Variants in LEO1 observed in about 807,000 individuals in gnomAD.
LEO1 encodes the protein RNA polymerase-associated protein LEO1.
Under a neutral mutation model 80.4 loss-of-function variants are expected in LEO1, and 34 were observed. That is an observed-to-expected ratio of 0.42 (90% confidence interval 0.32 to 0.56). LEO1 has a LOEUF of 0.56. Ranked by LOEUF, LEO1 falls within the 20% of genes least tolerant of loss-of-function variation. The pLI is 0.10. For missense variants in LEO1, 631 were observed against 814.2 expected, an observed-to-expected ratio of 0.77 and a Z score of 2.74; for synonymous variants, 262 against 274.9, an observed-to-expected ratio of 0.95 and a Z score of 0.46.
intron 11 of LEO1, among the ~76,000 whole-genome samples, chr15:51,939,360 C>T (rs963658400): frequency 3.3e-5 from 5 of 152,108 alleles, no homozygotes; most frequent in African/African-American, 1.2e-4. Context: ...GGCCCTCTGA[C>T]AGACAAGATA....
Position 51,938,228 on chromosome 15 carries a change from T to A in LEO1, c.1929A>T (p.Glu643Asp), listed in dbSNP as rs898196359. 14 of 1,608,494 alleles carry A rather than the reference T, an allele frequency of 8.7e-6. No homozygotes were observed. The highest frequency in any genetic ancestry group is 1.7e-5 in the Admixed American group (1 of 59,840). ...GCTTTTTATTTGCTTTATCATCATC[T>A]TCTGCTTTTCTCTTTCCGGAAGGTT... ...EGEPSGKRKA[E>D]DDDKANKKHK... is the part of the protein sequence containing the mutation. Residue 643 changes from glutamate (E) to aspartate (D), a missense_variant, in exon 12 of 12, where the codon GAA (glutamate) becomes GAT (aspartate). Around this residue, in one of 4 missense-constraint regions of LEO1, gnomAD observed 117 missense variants for 163.5 expected, o/e 0.72. Coordinates refer to ENST00000299601, the MANE Select transcript of LEO1 (RefSeq NM_138792.4).
At chr15:51,945,990 C>T (rs978593548) in intron 11 of LEO1, among the ~76,000 whole-genome samples, 11 of 151,254 alleles carry the variant, frequency 7.3e-5, no homozygotes, top group Admixed American at 2.6e-4. Context: ...ACCGAGATCA[C>T]GCCACTGCAC....
intron 4 of LEO1, 113 bp downstream of exon 4, chr15:51,960,521 CATGGT>C: frequency 3.1e-6 from 2 of 651,866 alleles, no homozygotes; most frequent in Non-Finnish European, 5.5e-6. Flanking sequence ...GTCATCTGTT[CATGGT>C]ATTTTCATAC....
intron 11 of LEO1, among the ~76,000 whole-genome samples, chr15:51,942,837 G>A (rs888601982): frequency 5.3e-5 from 8 of 150,404 alleles, no homozygotes; most frequent in Non-Finnish European, 1.0e-4. Context: ...CAGGAGAATT[G>A]CTTGAACCCA....
rs1337437030 is a variant in LEO1, at chr15:51,966,007, G to T, written c.556C>A (p.Gln186Lys). ...LQNSDDDEKM[Q>K]NTDDEERPQL... ...GGCCTCTCCTCATCATCTGTGTTCTGCATTTTCTCATCATCGTCAGAATTC... is the reference window on the plus strand; with the variant it reads ...GGCCTCTCCTCATCATCTGTGTTCTTCATTTTCTCATCATCGTCAGAATTC... Residue 186 changes from glutamine (Q) to lysine (K), a missense_variant, in exon 2 of 12, where the codon CAG becomes AAG. By Grantham distance (53) the Gln-to-Lys change is moderately conservative (BLOSUM62 1). This residue lies in a region of LEO1 where 394 missense variants were observed against 395.6 expected (regional missense o/e 1.00). Coordinates refer to ENST00000299601, the MANE Select transcript of LEO1 (RefSeq NM_138792.4). The T allele has an allele frequency of 1.2e-6, 2 of 1,613,850 alleles. No individual in the cohort carries two copies. The highest frequency in any genetic ancestry group is 1.7e-6 in the Non-Finnish European group (2 of 1,179,972).
chr15:51,950,158 G>A (rs961614984), intron 9 of LEO1, among the ~76,000 whole-genome samples, 164 bp from the exon 10 acceptor site: 2 of 152,180 alleles, frequency 1.3e-5, no homozygotes, highest in African/African-American at 4.8e-5. Context: ...CCTCTGGTTT[G>A]GTTTGCAGGA....
intron 1 of LEO1, among the ~76,000 whole-genome samples, chr15:51,970,822 CTCACT>C (rs1475752305): frequency 6.6e-6 from 1 of 152,136 alleles, no homozygotes; most frequent in Non-Finnish European, 1.5e-5. Context: ...GTCTTGGGTT[CTCACT>C]TCAAATAGCT....
intron 1 of LEO1, among the ~76,000 whole-genome samples, chr15:51,970,236 C>T (rs2057112087): frequency 6.6e-6 from 1 of 152,120 alleles, no homozygotes; most frequent in Non-Finnish European, 1.5e-5. Context: ...AGCTCACTGC[C>T]AACCTCTGTC....
chr15:51,945,262 CAAAAAA>C (rs71130110), intron 11 of LEO1, among the ~76,000 whole-genome samples: 2 of 80,370 alleles, frequency 2.5e-5, no homozygotes, highest in Admixed American at 3.3e-4. Flanking sequence ...ACAAAAAATA[CAAAAAA>C]AAAAAAAAAA....
intron 6 of LEO1, chr15:51,954,781 G>A (rs2056975693): frequency 1.9e-6 from 1 of 535,066 alleles, no homozygotes; most frequent in African/African-American, 1.9e-5. Flanking sequence ...ATGCTTAAGT[G>A]AATTTCTGAG....
At chr15:51,943,707 A>AAAAG (rs983904750) in intron 11 of LEO1, among the ~76,000 whole-genome samples, 2 of 151,834 alleles carry the variant, frequency 1.3e-5, no homozygotes, top group African/African-American at 4.8e-5. Context: ...CTCAAAAAAA[A>AAAAG]AAAGAAAGAA....
At chr15:51,958,915 T>A in intron 5 of LEO1, 89 bp from the exon 6 acceptor site, 1 of 584,390 alleles carries the variant, frequency 1.7e-6, no homozygotes. Flanking sequence ...TAAACACCAT[T>A]ATATCAAAAA....
intron 6 of LEO1, 51 bp downstream of exon 6, chr15:51,958,691 T>C (rs1485216163): frequency 8.9e-7 from 1 of 1,122,848 alleles, no homozygotes; most frequent in South Asian, 1.3e-5. Context: ...AGTTAGTATC[T>C]CCAGGTTTTA....
chr15:51,950,858 T>C (rs2056943537), intron 9 of LEO1, among the ~76,000 whole-genome samples: 1 of 152,162 alleles, frequency 6.6e-6, no homozygotes, highest in Non-Finnish European at 1.5e-5. Flanking sequence ...ATGCTCAAAG[T>C]GGTTCAAGAG....
At chr15:51,954,082 G>A (rs1017141235) in intron 7 of LEO1, among the ~76,000 whole-genome samples, 17 of 151,840 alleles carry the variant, frequency 1.1e-4, no homozygotes, top group Non-Finnish European at 1.2e-4. Context: ...ACAGGCGTCC[G>A]CCATCACACC....
chr15:51,959,297 C>T (rs776871889), intron 5 of LEO1, among the ~76,000 whole-genome samples: 2 of 152,168 alleles, frequency 1.3e-5, no homozygotes, highest in Non-Finnish European at 2.9e-5. Flanking sequence ...AACCACCACA[C>T]CCGGCCAGTA....
intron 6 of LEO1, among the ~76,000 whole-genome samples, chr15:51,957,283 T>G (rs2056997097): frequency 6.6e-6 from 1 of 152,202 alleles, no homozygotes; most frequent in African/African-American, 2.4e-5. Flanking sequence ...CTATATTAGT[T>G]TATATGTATA....
chr15:51,938,120 C>T lies in LEO1; in HGVS notation c.*36G>A. On this transcript the variant is annotated 3_prime_UTR_variant, in exon 12 of 12. Transcript: ENST00000299601. ...TCATGTTTACATATTTATAACTGTACAATAAAATATATAAAATGTTTTCAT... is the reference window on the plus strand; with the variant it reads ...TCATGTTTACATATTTATAACTGTATAATAAAATATATAAAATGTTTTCAT... 9.4e-7 allele frequency: 1 copy of T among 1,069,282 alleles called. No individual in the cohort carries two copies. The highest frequency in any genetic ancestry group is 1.4e-6 in the Non-Finnish European group (1 of 714,116). The allele number at this position is 1,069,282 out of a possible 1,614,324, so 66.2% of individuals were successfully genotyped here. A position where few individuals can be genotyped will look rare whatever the true frequency, so the allele number is the denominator to read the frequency against.
rs16964645 is a variant in LEO1 at position 51,960,428 on chromosome 15, C to A, written c.1014+211G>T. 0.031 allele frequency among the ~76,000 whole-genome samples: 4,781 copies of A among 152,230 alleles called. 125 individuals carry two copies. The highest frequency in any genetic ancestry group is 0.05 in the Non-Finnish European group (3,430 of 68,012). ...AATCACAAGTCCTCACAGTTCAGTC[C>A]CCTAAGGCATGACACCAACCTCATG... On this transcript the variant is annotated intron_variant, in intron 4 of 11. Transcript: ENST00000299601.
Sources: allele counts gnomAD v4.1 joint callset (sites outside exome capture counted in the v4.1 genomes callset), GRCh38; gene constraint gnomAD v4.1.1; regional missense constraint gnomAD v4.1.1; transcripts MANE v1.5; gene names NCBI Gene and HGNC (gene_info 2026-07-23, HGNC 2026-07-21).